SENP7: variants seen among roughly 807,000 people sequenced by gnomAD.
The protein encoded by SENP7 is sentrin-specific protease 7.
In SENP7, 64 loss-of-function variants were observed where a neutral mutation model predicts 141.2. The ratio of observed to expected loss-of-function variants is 0.45; its 90% confidence interval spans 0.37 to 0.56. SENP7 has a LOEUF of 0.56. Among genes scored for constraint, SENP7 ranks in the 20% least tolerant of loss-of-function variants. The pLI, the probability that SENP7 is intolerant of heterozygous loss-of-function variation, is 0.00. For missense variants in SENP7, 1,025 were observed against 1,212.2 expected (o/e 0.85, Z 2.29); for synonymous variants, 382 against 426.4 (o/e 0.90, Z 1.28).
intron 4 of SENP7, among the ~76,000 whole-genome samples, chr3:101,431,489 A>AT (rs1397057193): frequency 7.5e-6 from 1 of 134,058 alleles, no homozygotes; most frequent in Non-Finnish European, 1.6e-5. Context: ...TTTATCAGAG[A>AT]TTATGATTGC....
In SENP7 at chr3:101,363,234, A is replaced by C. The variant is rs541200930; in HGVS notation, c.1477-1373T>G. 3.9e-4 allele frequency: 175 copies of C among 443,626 alleles called. 1 individual carries two copies. Among genetic ancestry groups the C allele is most frequent in the African/African-American group, 3.3e-3 (155 of 46,940 alleles). The allele number at this position is 443,626 out of a possible 1,614,324, so 27.5% of individuals were successfully genotyped here. On this transcript the variant is annotated intron_variant, in intron 10 of 23. Coordinates refer to ENST00000394095, the MANE Select transcript of SENP7 (RefSeq NM_020654.5). The stretch of plus-strand genomic sequence containing the variant: ...AAAGGGAATCAATCAATCAAATCAA[A>C]TCAGGTAGCTCCAACATCAGTCAGA...
chr3:101,351,746 T>G (rs916129141), intron 11 of SENP7, 95 bp from the exon 12 acceptor site: 102 of 960,456 alleles, frequency 1.1e-4, no homozygotes, highest in Non-Finnish European at 1.4e-4. Context: ...ATATTCAAAG[T>G]CTACATTATA....
At chr3:101,497,890 C>A (rs904636366) in intron 2 of SENP7, among the ~76,000 whole-genome samples, 1 of 152,206 alleles carries the variant, frequency 6.6e-6, no homozygotes. Context: ...ACAGCCTCAA[C>A]TCCCCTGGCT....
intron 4 of SENP7, among the ~76,000 whole-genome samples, chr3:101,433,835 C>A (rs1323580211): frequency 6.6e-6 from 1 of 152,108 alleles, no homozygotes; most frequent in East Asian, 1.9e-4. Flanking sequence ...GACTTCAGCA[C>A]CCCACTTTCA....
intron 5 of SENP7, among the ~76,000 whole-genome samples, chr3:101,405,408 C>T (rs1209940952): frequency 3.9e-5 from 6 of 152,182 alleles, no homozygotes; most frequent in Admixed American, 3.9e-4. Context: ...GGGAACACCC[C>T]ATGGGACAAA....
At chr3:101,370,177 A>G (rs990759656) in intron 7 of SENP7, among the ~76,000 whole-genome samples, 4 of 152,180 alleles carry the variant, frequency 2.6e-5, no homozygotes, top group Non-Finnish European at 5.9e-5. Context: ...TTCTTTTGTC[A>G]TGTACTCTTC....
intron 5 of SENP7, among the ~76,000 whole-genome samples, chr3:101,404,080 A>G (rs2061230890): frequency 6.6e-6 from 1 of 152,216 alleles, no homozygotes; most frequent in Non-Finnish European, 1.5e-5. Flanking sequence ...TTTAAAATTC[A>G]TATGGAACCA....
intron 3 of SENP7, among the ~76,000 whole-genome samples, chr3:101,470,086 G>A (rs1232580057): frequency 6.6e-6 from 1 of 152,074 alleles, no homozygotes; most frequent in African/African-American, 2.4e-5. Context: ...AGTGTGTAGA[G>A]GGAAATTTAT....
intron 6 of SENP7, among the ~76,000 whole-genome samples, chr3:101,385,210 A>T (rs1431924330): frequency 1.3e-5 from 2 of 152,124 alleles, no homozygotes; most frequent in East Asian, 3.9e-4. Context: ...GCATTGACAT[A>T]TAGACAAAAA....
intron 7 of SENP7, 76 bp downstream of exon 7, chr3:101,371,931 AT>A (rs2060192598): frequency 2.0e-6 from 1 of 510,462 alleles, no homozygotes; most frequent in Admixed American, 4.2e-5. Context: ...AAATAAAATA[AT>A]TTATTTATAA....
At chr3:101,371,949 T>A (rs1431488288) in intron 7 of SENP7, 59 bp downstream of exon 7, 5 of 612,800 alleles carry the variant, frequency 8.2e-6, no homozygotes, top group Non-Finnish European at 1.3e-5. Flanking sequence ...ATAACAAAAA[T>A]TATTATTAAT....
intron 20 of SENP7, 130 bp from the exon 21 acceptor site, chr3:101,328,819 G>C (rs1193264260): frequency 1.5e-6 from 1 of 686,726 alleles, no homozygotes; most frequent in African/African-American, 1.8e-5. Context: ...ATCATCAAAA[G>C]TGAGCTAACT....
At chr3:101,375,095 A>T (rs1442088739) in intron 6 of SENP7, among the ~76,000 whole-genome samples, 3 of 152,190 alleles carry the variant, frequency 2.0e-5, no homozygotes, top group African/African-American at 7.2e-5. Context: ...AATTTAAAAA[A>T]AAATTTTTTT....
intron 3 of SENP7, among the ~76,000 whole-genome samples, chr3:101,466,055 T>C (rs1433527624): frequency 6.6e-6 from 1 of 152,022 alleles, no homozygotes; most frequent in African/African-American, 2.4e-5. Context: ...TGAAAACAGA[T>C]TTTTAAAAAA....
chr3:101,468,987 GCA>G (rs2063869928), intron 3 of SENP7, among the ~76,000 whole-genome samples: 1 of 152,006 alleles, frequency 6.6e-6, no homozygotes, highest in African/African-American at 2.4e-5. Flanking sequence ...ATGCAAAGAC[GCA>G]CTTAGGCTCA....
At chr3:101,419,650 A>G (rs572685928) in intron 4 of SENP7, among the ~76,000 whole-genome samples, 1 of 152,332 alleles carries the variant, frequency 6.6e-6, no homozygotes, top group African/African-American at 2.4e-5. Flanking sequence ...AAGGGTTTTT[A>G]GTCAGTTACT....
At chr3:101,466,025 A>G (rs2063746899) in intron 3 of SENP7, among the ~76,000 whole-genome samples, 1 of 152,166 alleles carries the variant, frequency 6.6e-6, no homozygotes, top group Non-Finnish European at 1.5e-5. Flanking sequence ...GACAAAATTA[A>G]GCAGAAGAAT....
chr3:101,374,771 CAAA>C (rs58234121), intron 6 of SENP7, among the ~76,000 whole-genome samples: 5 of 106,708 alleles, frequency 4.7e-5, no homozygotes, highest in Admixed American at 9.1e-5. Context: ...GGCTCTGTCT[CAAA>C]AAAAAAAAAA....
At chr3:101,432,174 A>G (rs1481919083) in intron 4 of SENP7, among the ~76,000 whole-genome samples, 1 of 152,228 alleles carries the variant, frequency 6.6e-6, no homozygotes, top group Non-Finnish European at 1.5e-5. Flanking sequence ...GGCCTGGGAT[A>G]GCAATGGCTA....
Sources: allele counts gnomAD v4.1 joint callset (sites outside exome capture counted in the v4.1 genomes callset), GRCh38; gene constraint gnomAD v4.1.1; transcripts MANE v1.5; gene names NCBI Gene and HGNC (gene_info 2026-07-23, HGNC 2026-07-21).